Variants in MORC3 observed in about 807,000 individuals in gnomAD.
MORC3 encodes the protein MORC family CW-type zinc finger protein 3.
In MORC3, 31 loss-of-function variants were observed where a neutral mutation model predicts 109.1. The ratio of observed to expected loss-of-function variants is 0.28; its 90% CI spans 0.21 to 0.38. MORC3 has a LOEUF of 0.38. Ranked by LOEUF, MORC3 falls within the 10% of genes least tolerant of loss-of-function variation. The probability of loss-of-function intolerance (pLI) is 1.00; values close to 1 mark genes in which losing one functional copy is unlikely to be tolerated. For missense variants in MORC3, 867 were observed against 1,135.8 expected, an observed-to-expected ratio of 0.76 and a Z score of 3.40; for synonymous variants, 395 against 380.7, an observed-to-expected ratio of 1.04 and a Z score of -0.44.
At chr21:36,346,791 A>G (rs1281306010) in intron 8 of MORC3, among the ~76,000 whole-genome samples, 1 of 151,688 alleles carries the variant, frequency 6.6e-6, no homozygotes, top group Non-Finnish European at 1.5e-5. Context: ...TCTAGGCAAC[A>G]GGGTGAGGTC....
chr21:36,362,943 A>G (rs1474072645), intron 13 of MORC3, among the ~76,000 whole-genome samples: 1 of 152,154 alleles, frequency 6.6e-6, no homozygotes, highest in Non-Finnish European at 1.5e-5. Context: ...AAGACATCCC[A>G]GGAACACCCA....
At position 36,369,447 on chromosome 21, in the gene MORC3, C is replaced by T. The variant is rs1489687598; in HGVS notation, c.2079C>T (p.Gly693=). 2.5e-6 allele frequency: 4 copies of T among 1,614,018 alleles called. No individual in the cohort carries two copies. The highest frequency in any genetic ancestry group is 3.4e-6 in the Non-Finnish European group (4 of 1,180,040). The change falls in exon 15 of 17, where the codon GGC becomes GGT. Residue 693 remains glycine (G), a synonymous_variant. Transcript: ENST00000400485. ...ETTDKSADDA[G]CQLQELRNQL... Reference sequence around the variant, plus strand: ...CCGATAAATCTGCAGATGATGCAGGCTGCCAATTACAAGAACTGAGAAACC... The same window carrying T: ...CCGATAAATCTGCAGATGATGCAGGTTGCCAATTACAAGAACTGAGAAACC...
At chr21:36,362,797 T>C (rs2085735085) in intron 13 of MORC3, among the ~76,000 whole-genome samples, 1 of 152,182 alleles carries the variant, frequency 6.6e-6, no homozygotes, top group Admixed American at 6.5e-5. Context: ...TCTTCTCTTG[T>C]ACTTCTGCTT....
chr21:36,333,767 G>GTTT (rs367762969), intron 2 of MORC3, 49 bp downstream of exon 2: 23 of 912,428 alleles, frequency 2.5e-5, no homozygotes, highest in Admixed American at 5.9e-5. Flanking sequence ...CAATTGTAGT[G>GTTT]TTTTTTTTTT....
At chr21:36,338,978 T>C in intron 5 of MORC3, 57 bp downstream of exon 5, 1 of 1,566,410 alleles carries the variant, frequency 6.4e-7, no homozygotes, top group Non-Finnish European at 8.8e-7. Flanking sequence ...TGCAGGGTGG[T>C]GGTGTTATAT....
intron 2 of MORC3, among the ~76,000 whole-genome samples, chr21:36,335,191 A>G (rs1380388264): frequency 1.3e-5 from 2 of 152,216 alleles, no homozygotes; most frequent in Non-Finnish European, 2.9e-5. Flanking sequence ...AAATTTAGGC[A>G]TATGTTTAAG....
intron 9 of MORC3, among the ~76,000 whole-genome samples, chr21:36,354,652 A>C (rs938640195): frequency 4.6e-5 from 7 of 152,226 alleles, no homozygotes; most frequent in African/African-American, 1.7e-4. Flanking sequence ...TCCTTCTTAC[A>C]CTGTCTGCTT....
chr21:36,355,650 TA>T (rs1313583434), intron 9 of MORC3, among the ~76,000 whole-genome samples: 7 of 152,050 alleles, frequency 4.6e-5, no homozygotes, highest in Non-Finnish European at 1.0e-4. Flanking sequence ...TTGTTTGCAT[TA>T]AAAACCTGTT....
At chr21:36,325,833 A>C (rs1184348990) in intron 1 of MORC3, among the ~76,000 whole-genome samples, 1 of 152,176 alleles carries the variant, frequency 6.6e-6, no homozygotes. Context: ...GTGTATCCAC[A>C]CTGTGGATAT....
chr21:36,337,648 A>T (rs1306633532), intron 3 of MORC3, 84 bp from the exon 4 acceptor site: 32 of 818,512 alleles, frequency 3.9e-5, no homozygotes, highest in East Asian at 9.9e-5. Flanking sequence ...TTAATGAATT[A>T]AAAAAAAAGA....
chr21:36,346,419 C>G (rs1474640106), intron 8 of MORC3, among the ~76,000 whole-genome samples: 2 of 152,128 alleles, frequency 1.3e-5, no homozygotes, highest in East Asian at 3.9e-4. Flanking sequence ...GGACCAGACA[C>G]AGTGGCTCAT....
At chr21:36,343,473 GAGT>G (rs1466591374) in intron 6 of MORC3, among the ~76,000 whole-genome samples, 23 of 134,084 alleles carry the variant, frequency 1.7e-4, no homozygotes, top group Admixed American at 1.3e-3. Context: ...TTTTGAGACA[GAGT>G]CTCACTCTGT....
intron 14 of MORC3, among the ~76,000 whole-genome samples, chr21:36,367,839 G>T (rs1378770103): frequency 1.3e-5 from 2 of 152,180 alleles, no homozygotes; most frequent in African/African-American, 2.4e-5. Flanking sequence ...AGATGAAAAT[G>T]GAATGATGCT....
rs1289122821 is a variant in MORC3 at position 36,369,726 on chromosome 21, A to G, written c.2358A>G (p.Gln786=). The G allele has an allele frequency of 3.7e-6, 6 of 1,614,234 alleles. No homozygotes were observed. The highest frequency in any genetic ancestry group is 3.3e-5 in the South Asian group (3 of 91,088). ...AAGAAATAGAAAGGCTGAAAAAACA[A>G]TGTAGTGCTTTGCAACATGTAAAGG... The part of the protein sequence containing the change: ...ALEEIERLKK[Q]CSALQHVKAE... Residue 786 remains glutamine, a synonymous_variant, in exon 15 of 17, where the codon CAA becomes CAG. Coordinates refer to ENST00000400485, the MANE Select transcript of MORC3 (RefSeq NM_015358.3).
At position 36,364,136 on chromosome 21, in the gene MORC3, C is replaced by T; in HGVS notation, c.1496C>T (p.Pro499Leu). ...TTTCGGCCAACTGCTCTTTCAACTCCAAGCTTTTCTTCTCCTAAGGAAAGT... is the reference window on the plus strand; with the variant it reads ...TTTCGGCCAACTGCTCTTTCAACTCTAAGCTTTTCTTCTCCTAAGGAAAGT... ...LLFRPTALST[P>L]SFSSPKESVP... The change falls in exon 14 of 17, where the codon CCA becomes CTA. Residue 499 changes from proline to leucine, a missense_variant. Physicochemically the swap from Pro to Leu is moderately conservative, Grantham distance 98 (BLOSUM62 -3). Transcript: ENST00000400485. 1.2e-6 allele frequency: 2 copies of T among 1,614,092 alleles called. No homozygotes were observed. The highest frequency in any genetic ancestry group is 1.7e-5 in the Admixed American group (1 of 59,990).
intron 9 of MORC3, among the ~76,000 whole-genome samples, chr21:36,350,340 C>T (rs1336532261): frequency 6.6e-6 from 1 of 151,936 alleles, no homozygotes; most frequent in East Asian, 1.9e-4. Context: ...TGGCTTACAC[C>T]TGTAATCCCA....
intron 8 of MORC3, among the ~76,000 whole-genome samples, 171 bp downstream of exon 8, chr21:36,345,202 CTCCCCTCCCCTCCCT>C (rs1569097288): frequency 6.7e-6 from 1 of 148,910 alleles, no homozygotes; most frequent in South Asian, 2.1e-4. Context: ...ATTAACTCCC[CTCCCCTCCCCTCCCT>C]TCCCCTCCCC....
In MORC3 at chr21:36,372,442, A is replaced by G. The variant is rs1268141429; in HGVS notation, c.2577A>G (p.Glu859=). The change falls in exon 16 of 17, where the codon GAA becomes GAG. Residue 859 remains glutamate (E), a synonymous_variant. Coordinates refer to ENST00000400485, the MANE Select transcript of MORC3 (RefSeq NM_015358.3). The part of the protein sequence containing the change: ...SQCEELKTEV[E]QLKSTNQQTA... Reference sequence around the variant, plus strand: ...GTGAAGAACTCAAAACTGAAGTAGAACAGTTAAAATCTACAAATCAACAGA... The same window carrying G: ...GTGAAGAACTCAAAACTGAAGTAGAGCAGTTAAAATCTACAAATCAACAGA... The G allele has an allele frequency of 6.2e-7, 1 of 1,607,990 alleles. No individual in the cohort carries two copies. Among genetic ancestry groups the G allele is most frequent in the Non-Finnish European group, 8.5e-7 (1 of 1,178,898 alleles).
At chr21:36,354,363 G>A (rs1442411711) in intron 9 of MORC3, among the ~76,000 whole-genome samples, 1 of 101,932 alleles carries the variant, frequency 9.8e-6, no homozygotes, top group Non-Finnish European at 1.8e-5. Context: ...TCGCTCTGTT[G>A]CCCACATCTT....
Sources: allele counts gnomAD v4.1 joint callset (sites outside exome capture counted in the v4.1 genomes callset), GRCh38; gene constraint gnomAD v4.1.1; transcripts MANE v1.5; gene names NCBI Gene and HGNC (gene_info 2026-07-23, HGNC 2026-07-21).